Variants in HDAC11 observed in about 807,000 individuals in gnomAD.
The protein encoded by HDAC11 is histone deacetylase 11.
In HDAC11, 23 loss-of-function variants were observed where a neutral mutation model predicts 41.1. The ratio of observed to expected loss-of-function variants is 0.56; its 90% CI spans 0.40 to 0.79. The LOEUF (loss-of-function observed/expected upper bound fraction) is 0.79. Ranked by LOEUF, HDAC11 falls within the 30% of genes least tolerant of loss-of-function variation. HDAC11 has a pLI of 0.00. For synonymous variants in HDAC11, 187 were observed against 186.6 expected (o/e 1.00, Z -0.02); for missense variants, 402 against 477.3 (o/e 0.84, Z 1.47).
intron 3 of HDAC11, among the ~76,000 whole-genome samples, chr3:13,484,651 G>A (rs983686787): frequency 4.6e-5 from 7 of 152,056 alleles, no homozygotes; most frequent in Admixed American, 1.3e-4. Context: ...CTCAGCCTCC[G>A]AAGTAGCTGG....
chr3:13,480,741 G>T lies in HDAC11; in HGVS notation c.2+392G>T, dbSNP rs1444138567. On this transcript the variant is annotated intron_variant, in intron 1 of 9. Coordinates refer to ENST00000295757, the MANE Select transcript of HDAC11 (RefSeq NM_024827.4). This position sits in a 1 kb window ranked among gnomAD's most constrained non-coding sequence, Gnocchi z 4.6. ...TGGGAAGGGTTAGCAGCGCAGCGGGGTCAGGGGATCCCCGCCCCCCGCCCT... is the reference window on the plus strand; with the variant it reads ...TGGGAAGGGTTAGCAGCGCAGCGGGTTCAGGGGATCCCCGCCCCCCGCCCT... 1 of 484,878 alleles carries T rather than the reference G, an allele frequency of 2.1e-6. No individual in the cohort carries two copies. Among genetic ancestry groups the T allele is most frequent in the South Asian group, 1.6e-5 (1 of 63,126 alleles). The allele number at this position is 484,878 out of a possible 1,614,324, so 30.0% of individuals were successfully genotyped here.
At chr3:13,487,045 A>G (rs1405344707) in intron 3 of HDAC11, among the ~76,000 whole-genome samples, 1 of 152,180 alleles carries the variant, frequency 6.6e-6, no homozygotes, top group Non-Finnish European at 1.5e-5. Flanking sequence ...CCCAGGCCAC[A>G]CAAGGTCTTG....
At chr3:13,504,429 G>T in intron 9 of HDAC11, 39 bp from the exon 10 acceptor site, 3 of 1,608,986 alleles carry the variant, frequency 1.9e-6, no homozygotes, top group East Asian at 4.5e-5. Context: ...CACCATGGGG[G>T]TCTGGCCTGC....
At chr3:13,486,818 A>G (rs532023599) in intron 3 of HDAC11, among the ~76,000 whole-genome samples, 3 of 152,138 alleles carry the variant, frequency 2.0e-5, no homozygotes, top group African/African-American at 7.2e-5. Flanking sequence ...ACCTCAAGCA[A>G]TCCATCTGCC....
Position 13,481,234 on chromosome 3 carries a change from T to C in HDAC11, c.3-12T>C. On this transcript the variant is annotated splice_polypyrimidine_tract_variant and intron_variant, in intron 1 of 9. Transcript: ENST00000295757. ...TGCCCCAGCTGTGCGTCTGTCTTTTTCCACACGGTAGGCTACACACAACCC... is the reference window on the plus strand; with the variant it reads ...TGCCCCAGCTGTGCGTCTGTCTTTTCCCACACGGTAGGCTACACACAACCC... The C allele has an allele frequency of 6.2e-7, 1 of 1,610,890 alleles. No homozygotes were observed. Among genetic ancestry groups the C allele is most frequent in the Non-Finnish European group, 8.5e-7 (1 of 1,179,236 alleles).
intron 8 of HDAC11, 174 bp downstream of exon 8, chr3:13,503,154 G>A (rs1574915888): frequency 1.9e-6 from 1 of 517,364 alleles, no homozygotes; most frequent in Non-Finnish European, 3.5e-6. Flanking sequence ...GAAGTCACTC[G>A]ACCCACCCAA....
At chr3:13,485,198 C>T (rs138643212) in intron 3 of HDAC11, among the ~76,000 whole-genome samples, 90 of 152,340 alleles carry the variant, frequency 5.9e-4, no homozygotes, top group Admixed American at 3.3e-3. Flanking sequence ...GCTCCCCAAC[C>T]GCAGCCTGAG....
At position 13,502,856 on chromosome 3, in the gene HDAC11, G is replaced by A. The variant is rs201120858; in HGVS notation, c.553-28G>A. On this transcript the variant is annotated intron_variant, in intron 7 of 9. Transcript: ENST00000295757. This position sits in a 1 kb window ranked among gnomAD's most constrained non-coding sequence, Gnocchi z 4.1. ...CCAGCCTTGCCTAGGGCACCTACCCGAGAGCGGCTACTGTGACCTCCCCAC... is the reference window on the plus strand; with the variant it reads ...CCAGCCTTGCCTAGGGCACCTACCCAAGAGCGGCTACTGTGACCTCCCCAC... The A allele has an allele frequency of 3.0e-4, 476 of 1,593,832 alleles. 2 individuals carry two copies. In the African/African-American group the frequency reaches 5.8e-3, roughly 19 times the overall value.
intron 3 of HDAC11, among the ~76,000 whole-genome samples, chr3:13,496,249 A>G (rs1464887342): frequency 1.3e-5 from 2 of 152,326 alleles, no homozygotes; most frequent in East Asian, 3.9e-4. Context: ...ATGGACAAAG[A>G]GGCAATGCAG....
chr3:13,486,257 A>G (rs1298185552), intron 3 of HDAC11, among the ~76,000 whole-genome samples: 4 of 143,032 alleles, frequency 2.8e-5, no homozygotes, highest in East Asian at 2.0e-4. Context: ...ATAAGAGTGA[A>G]ACTCCATCTC....
chr3:13,503,600 A>G (rs1272537067), intron 8 of HDAC11, among the ~76,000 whole-genome samples: 1 of 152,258 alleles, frequency 6.6e-6, no homozygotes, highest in African/African-American at 2.4e-5. Context: ...AATCGTTAAA[A>G]TGAAAATGCA....
Position 13,480,799 on chromosome 3 carries a change from G to C in HDAC11, c.3-447G>C, listed in dbSNP as rs192767918. 7.1e-4 allele frequency: 306 copies of C among 433,508 alleles called. No homozygotes were observed. Among genetic ancestry groups the C allele is most frequent in the Non-Finnish European group, 1.2e-3 (254 of 210,408 alleles). The allele number at this position is 433,508 out of a possible 1,614,324, so 26.9% of individuals were successfully genotyped here. Reference sequence around the variant, plus strand: ...GTTGGGTCCCGACTTGGGTTTCTGAGTGCTTACTGTGCTCAGCTCCTCAGT... The same window carrying C: ...GTTGGGTCCCGACTTGGGTTTCTGACTGCTTACTGTGCTCAGCTCCTCAGT... On this transcript the variant is annotated intron_variant, in intron 1 of 9. Transcript: ENST00000295757. The surrounding 1 kb of genome is among the most constrained non-coding windows in gnomAD (Gnocchi z 4.6).
At chr3:13,495,521 C>T (rs976960012) in intron 3 of HDAC11, among the ~76,000 whole-genome samples, 1 of 152,170 alleles carries the variant, frequency 6.6e-6, no homozygotes, top group Non-Finnish European at 1.5e-5. Flanking sequence ...GCTCCTCTTA[C>T]CACCCCAGAC....
At chr3:13,481,526 C>A in intron 2 of HDAC11, 132 bp downstream of exon 2, 1 of 983,766 alleles carries the variant, frequency 1.0e-6, no homozygotes, top group Non-Finnish European at 1.5e-6. Flanking sequence ...TCCACCCATG[C>A]TTCCGCCCAA....
At chr3:13,481,475 C>T in intron 2 of HDAC11, 81 bp downstream of exon 2, 1 of 1,501,164 alleles carries the variant, frequency 6.7e-7, no homozygotes, top group Non-Finnish European at 9.1e-7. Context: ...ACATAAGCCT[C>T]AGGCTCTCTC....
At position 13,496,513 on chromosome 3, in the gene HDAC11, A is replaced by ACTACTTTGTGT. The variant is rs1702101636; in HGVS notation, c.253-223_253-222insCTACTTTGTGT. 14 of 443,254 alleles carry ACTACTTTGTGT rather than the reference A, an allele frequency of 3.2e-5. No individual in the cohort carries two copies. The South Asian group carries it at 4.7e-4, about 15-fold the overall frequency. 27.5% of individuals were successfully genotyped at this position (443,254 alleles called of 1,614,324 possible). A position where few individuals can be genotyped will look rare whatever the true frequency, so the allele number is the denominator to read the frequency against. ...GAACCCTGGCCAACTAGCTTTAAGA[A>ACTACTTTGTGT]ATGCATTGTGTAAACTGCTCTTTAC... On this transcript the variant is annotated intron_variant, in intron 3 of 9. Transcript: ENST00000295757.
At chr3:13,501,171 C>T (rs1597474) in intron 6 of HDAC11, among the ~76,000 whole-genome samples, 6,724 of 152,268 alleles carry the variant, frequency 0.044, 323 homozygotes, top group East Asian at 0.22. Context: ...TGCTCCAACC[C>T]GCGCTGTGCT....
chr3:13,500,820 C>A, intron 6 of HDAC11, 31 bp downstream of exon 6: 2 of 1,450,588 alleles, frequency 1.4e-6, no homozygotes, highest in East Asian at 2.5e-5. Context: ...GGTCTCGCCT[C>A]CAAGAGCCCT....
At position 13,496,738 on chromosome 3, in the gene HDAC11, G is replaced by T. The variant is rs776164040; in HGVS notation, c.255G>T (p.Trp85Cys). 7 of 1,598,976 alleles carry T rather than the reference G, an allele frequency of 4.4e-6. No individual in the cohort carries two copies. The highest frequency in any genetic ancestry group is 6.0e-6 in the Non-Finnish European group (7 of 1,171,234). ...ACAGCCCCTGTCTTTTTCCGCAGTGGTCCTTTGCTGTTGCTACCATCACAG... is the reference window on the plus strand; with the variant it reads ...ACAGCCCCTGTCTTTTTCCGCAGTGTTCCTTTGCTGTTGCTACCATCACAG... Reference protein sequence around the residue: ...HTRRYLNELKWSFAVATITEI... With the variant: ...HTRRYLNELKCSFAVATITEI... The change falls in exon 4 of 10, where the codon TGG becomes TGT. Residue 85 changes from tryptophan (W) to cysteine (C), a missense_variant and splice_region_variant. Coordinates refer to ENST00000295757, the MANE Select transcript of HDAC11 (RefSeq NM_024827.4).
Sources: gnomAD v4.1 joint callset for allele counts (sites outside exome capture counted in the v4.1 genomes callset) on GRCh38, gnomAD v4.1.1 for gene constraint, Gnocchi (gnomAD v3.1) non-coding constraint, MANE v1.5 for transcripts, NCBI Gene and HGNC (gene_info 2026-07-23, HGNC 2026-07-21) for gene names.